Variants in B3GALT1 observed in about 807,000 individuals in gnomAD.
The protein encoded by B3GALT1 is beta-1,3-galactosyltransferase 1, also known as UDP-Gal:betaGlcNAc beta 1,3-galactosyltransferase, polypeptide 1.
B3GALT1 carries 10 observed loss-of-function variants against 23.2 expected under a neutral mutation model. The observed-to-expected ratio is 0.43, with a 90% confidence interval of 0.27 to 0.73. The LOEUF is 0.73. Among genes scored for constraint, B3GALT1 ranks in the 30% least tolerant of loss-of-function variants. The probability of loss-of-function intolerance (pLI) is 0.21; values close to 1 mark genes in which losing one functional copy is unlikely to be tolerated. For missense variants in B3GALT1, 299 were observed against 405.4 expected (o/e 0.74, Z 2.25); for synonymous variants, 156 against 141.5 (o/e 1.10, Z -0.73).
chr2:167,741,076 A>G (rs1687570553), intron 3 of B3GALT1, among the ~76,000 whole-genome samples: 1 of 152,202 alleles, frequency 6.6e-6, no homozygotes, highest in African/African-American at 2.4e-5. Flanking sequence ...TTCTGGAATC[A>G]CTTTTCTTTG....
chr2:167,655,259 A>G (rs1272642562), intron 3 of B3GALT1, among the ~76,000 whole-genome samples: 1 of 152,198 alleles, frequency 6.6e-6, no homozygotes, highest in Non-Finnish European at 1.5e-5. Flanking sequence ...CTCAACTTAA[A>G]TAACATACAA....
At chr2:167,472,217 G>A (rs1158565464) in intron 1 of B3GALT1, among the ~76,000 whole-genome samples, 1 of 152,122 alleles carries the variant, frequency 6.6e-6, no homozygotes, top group South Asian at 2.1e-4. Context: ...GTAAGATGCC[G>A]TTATGGGACT....
At chr2:167,780,023 G>A (rs934615795) in intron 3 of B3GALT1, among the ~76,000 whole-genome samples, 2 of 152,146 alleles carry the variant, frequency 1.3e-5, no homozygotes, top group African/African-American at 4.8e-5. Context: ...TAACTGCCAA[G>A]GTCTATTTTA....
At chr2:167,564,249 C>A (rs1397271229) in intron 2 of B3GALT1, among the ~76,000 whole-genome samples, 1 of 151,628 alleles carries the variant, frequency 6.6e-6, no homozygotes, top group Non-Finnish European at 1.5e-5. Flanking sequence ...AGGCGCTCCC[C>A]ACATCTCAGA....
chr2:167,491,655 A>T (rs1365423837), intron 2 of B3GALT1, among the ~76,000 whole-genome samples: 1 of 151,940 alleles, frequency 6.6e-6, no homozygotes, highest in Non-Finnish European at 1.5e-5. Context: ...TTTACTAAAA[A>T]TACAAAAAAA....
intron 1 of B3GALT1, among the ~76,000 whole-genome samples, chr2:167,410,352 G>T (rs148252697): frequency 2.0e-5 from 3 of 151,974 alleles, no homozygotes; most frequent in South Asian, 2.1e-4. Context: ...TGAGACAGGC[G>T]CAGTGGCAGA....
intron 1 of B3GALT1, among the ~76,000 whole-genome samples, chr2:167,429,168 C>T (rs530418247): frequency 6.6e-6 from 1 of 151,152 alleles, no homozygotes; most frequent in African/African-American, 2.4e-5. Flanking sequence ...GTAGTCCCAG[C>T]TACTTGGGAG....
chr2:167,447,345 G>C (rs1699016196), intron 1 of B3GALT1, among the ~76,000 whole-genome samples: 1 of 152,222 alleles, frequency 6.6e-6, no homozygotes. Context: ...TCTGTTCTCA[G>C]ATCTCAAACT....
chr2:167,514,274 A>G (rs1438725694), intron 2 of B3GALT1, among the ~76,000 whole-genome samples: 1 of 152,226 alleles, frequency 6.6e-6, no homozygotes, highest in Non-Finnish European at 1.5e-5. Context: ...TTTTTAAGAC[A>G]TTTAAACCAC....
At chr2:167,830,721 C>A (rs1447436079) in intron 4 of B3GALT1, among the ~76,000 whole-genome samples, 1 of 152,240 alleles carries the variant, frequency 6.6e-6, no homozygotes, top group Admixed American at 6.5e-5. Flanking sequence ...CTTCCTTAAC[C>A]CGTGTTTTCA....
intron 1 of B3GALT1, among the ~76,000 whole-genome samples, chr2:167,310,689 G>T (rs2105485868): frequency 6.6e-6 from 1 of 152,046 alleles, no homozygotes; most frequent in African/African-American, 2.4e-5. Context: ...AATGTAGAAA[G>T]GATTTTAGTG....
chr2:167,775,308 C>T (rs1448020140), intron 3 of B3GALT1, among the ~76,000 whole-genome samples: 19 of 152,234 alleles, frequency 1.2e-4, no homozygotes, highest in South Asian at 4.1e-4. Context: ...TGGTATCTCA[C>T]GCCTGTAATC....
At chr2:167,636,707 CCAT>C (rs1426559925) in intron 2 of B3GALT1, among the ~76,000 whole-genome samples, 1 of 151,956 alleles carries the variant, frequency 6.6e-6, no homozygotes, top group Non-Finnish European at 1.5e-5. Flanking sequence ...AAGCTGGAAA[CCAT>C]CATTCTCAGC....
intron 3 of B3GALT1, among the ~76,000 whole-genome samples, chr2:167,670,309 T>G (rs1229573744): frequency 6.6e-6 from 1 of 152,132 alleles, no homozygotes; most frequent in African/African-American, 2.4e-5. Context: ...ATCCTAAGAA[T>G]TATCTTCCAA....
chr2:167,709,597 G>A (rs1687019194), intron 3 of B3GALT1, among the ~76,000 whole-genome samples: 1 of 152,088 alleles, frequency 6.6e-6, no homozygotes, highest in Non-Finnish European at 1.5e-5. Flanking sequence ...ATTTAGAAAG[G>A]CTACAGCCTC....
intron 1 of B3GALT1, among the ~76,000 whole-genome samples, chr2:167,480,653 A>G (rs1699552877): frequency 6.6e-6 from 1 of 152,208 alleles, no homozygotes; most frequent in Non-Finnish European, 1.5e-5. Flanking sequence ...GGACTATCTT[A>G]GGCCTTCTCT....
At chr2:167,328,468 C>T (rs907367624) in intron 1 of B3GALT1, among the ~76,000 whole-genome samples, 6 of 152,100 alleles carry the variant, frequency 3.9e-5, no homozygotes, top group African/African-American at 1.4e-4. Context: ...AGGAATTTAT[C>T]CATTTCCTCT....
intron 1 of B3GALT1, among the ~76,000 whole-genome samples, chr2:167,388,528 G>A (rs900258151): frequency 2.0e-5 from 3 of 152,102 alleles, no homozygotes; most frequent in Non-Finnish European, 2.9e-5. Context: ...GGGACTACCT[G>A]AGAATAAGAG....
At chr2:167,402,018 G>A (rs1005877209) in intron 1 of B3GALT1, among the ~76,000 whole-genome samples, 2 of 152,110 alleles carry the variant, frequency 1.3e-5, no homozygotes, top group Non-Finnish European at 2.9e-5. Flanking sequence ...TGAAATAAAA[G>A]GTTCTGAGTG....
Sources: allele counts gnomAD v4.1 joint callset (sites outside exome capture counted in the v4.1 genomes callset), GRCh38; gene constraint gnomAD v4.1.1; transcripts MANE v1.5; gene names NCBI Gene and HGNC (gene_info 2026-07-23, HGNC 2026-07-21).